The following WWOX variants were observed in gnomAD, a reference collection of about 807,000 sequenced individuals.
WWOX encodes WW domain-containing oxidoreductase.
A neutral mutation model predicts 46.2 loss-of-function variants in WWOX; 69 were observed. That is an observed-to-expected ratio of 1.49 (90% CI 1.23 to 1.82). WWOX has a LOEUF of 1.82. Among genes scored for constraint, WWOX ranks in the 40% most tolerant of loss-of-function variants. WWOX has a pLI of 0.00. For missense variants in WWOX, 919 were observed against 542.6 expected (o/e 1.69, Z -6.89); for synonymous variants, 359 against 202.6 (o/e 1.77, Z -6.56).
At chr16:78,485,415 A>T (rs903297257) in intron 8 of WWOX, among the ~76,000 whole-genome samples, 3 of 152,180 alleles carry the variant, frequency 2.0e-5, no homozygotes, top group Non-Finnish European at 2.9e-5. Flanking sequence ...AAGATATTTC[A>T]GACTCTTTCC....
At chr16:78,668,085 C>T (rs143831571) in intron 8 of WWOX, among the ~76,000 whole-genome samples, 1 of 152,252 alleles carries the variant, frequency 6.6e-6, no homozygotes, top group Non-Finnish European at 1.5e-5. Context: ...TCAAGACCAG[C>T]CTGGCCACCA....
intron 5 of WWOX, among the ~76,000 whole-genome samples, chr16:78,317,577 GTGTGAC>G (rs1597475404): frequency 1.3e-5 from 2 of 152,160 alleles, no homozygotes; most frequent in East Asian, 3.9e-4. Context: ...ACCTGAGAGT[GTGTGAC>G]TGTGAGTGTG....
At chr16:78,642,904 C>A (rs2046754378) in intron 8 of WWOX, among the ~76,000 whole-genome samples, 1 of 152,176 alleles carries the variant, frequency 6.6e-6, no homozygotes, top group South Asian at 2.1e-4. Context: ...ACTCATCCTA[C>A]TTGGTGTAAA....
At chr16:78,684,670 TG>T (rs1471938256) in intron 8 of WWOX, among the ~76,000 whole-genome samples, 1 of 152,164 alleles carries the variant, frequency 6.6e-6, no homozygotes, top group African/African-American at 2.4e-5. Flanking sequence ...TGGATGGGGT[TG>T]GGGGACCTGT....
At chr16:78,823,771 T>C (rs2051570744) in intron 8 of WWOX, among the ~76,000 whole-genome samples, 1 of 132,870 alleles carries the variant, frequency 7.5e-6, no homozygotes. Flanking sequence ...CTGAGCTTTC[T>C]AGACTTGTTA....
In WWOX at chr16:78,757,532, G is replaced by A. The variant is rs370603189; in HGVS notation, c.1056+324780G>A. Among the ~76,000 whole-genome samples, 73 of 152,206 alleles carry A rather than the reference G, an allele frequency of 4.8e-4. No individual in the cohort carries two copies. The South Asian group carries it at 0.015, about 30-fold the overall frequency. On this transcript the variant is annotated intron_variant, in intron 8 of 8. Transcript: ENST00000566780. ...CAGCTAAATTTTACAGGTAGTTGGG[G>A]TTTCACCATTTAACCCAGTTAACTC...
chr16:78,824,061 A>C (rs1395026579), intron 8 of WWOX, among the ~76,000 whole-genome samples: 1 of 152,172 alleles, frequency 6.6e-6, no homozygotes, highest in Non-Finnish European at 1.5e-5. Context: ...CTAGCCTCTG[A>C]ATCCAAATTT....
At chr16:78,339,163 T>A (rs8055812) in intron 5 of WWOX, among the ~76,000 whole-genome samples, 48,883 of 118,286 alleles carry the variant, frequency 0.41, 17,802 homozygotes, top group African/African-American at 0.48. Flanking sequence ...GAAGACAGTT[T>A]TTTTTGTTTA....
At chr16:78,206,786 A>C (rs926100433) in intron 5 of WWOX, among the ~76,000 whole-genome samples, 1 of 152,300 alleles carries the variant, frequency 6.6e-6, no homozygotes, top group East Asian at 1.9e-4. Flanking sequence ...TAGATTAGTC[A>C]GACAACTGCA....
chr16:79,203,501 T>G (rs555082136), intron 8 of WWOX: 2 of 151,880 alleles, frequency 1.3e-5, no homozygotes, highest in East Asian at 3.8e-4. Context: ...TTGTGTTTTT[T>G]TTTTTTTTTT....
intron 5 of WWOX, among the ~76,000 whole-genome samples, chr16:78,232,633 G>T (rs1296373944): frequency 6.6e-6 from 1 of 152,062 alleles, no homozygotes; most frequent in Non-Finnish European, 1.5e-5. Flanking sequence ...TATCTCCAGG[G>T]GCTGAATATA....
chr16:79,163,020 G>C (rs1012558236), intron 8 of WWOX, among the ~76,000 whole-genome samples: 1 of 152,206 alleles, frequency 6.6e-6, no homozygotes, highest in Non-Finnish European at 1.5e-5. Flanking sequence ...CCTTTCAACA[G>C]TCACATGCAA....
At chr16:78,660,877 G>C (rs2047193847) in intron 8 of WWOX, among the ~76,000 whole-genome samples, 1 of 152,082 alleles carries the variant, frequency 6.6e-6, no homozygotes, top group Non-Finnish European at 1.5e-5. Context: ...CCATTTAATA[G>C]TATCTTGGAG....
intron 8 of WWOX, among the ~76,000 whole-genome samples, chr16:78,797,953 C>T (rs561569599): frequency 6.6e-6 from 1 of 152,286 alleles, no homozygotes; most frequent in Admixed American, 6.5e-5. Flanking sequence ...ACACCACTGC[C>T]CTCAACCCTG....
chr16:78,821,507 A>G (rs1391343127), intron 8 of WWOX, among the ~76,000 whole-genome samples: 1 of 152,208 alleles, frequency 6.6e-6, no homozygotes. Flanking sequence ...TGTAATCTTC[A>G]CAGTGACCAG....
intron 8 of WWOX, among the ~76,000 whole-genome samples, chr16:78,627,231 G>A (rs2046331281): frequency 1.3e-5 from 2 of 152,094 alleles, no homozygotes; most frequent in African/African-American, 2.4e-5. Context: ...CTGTGCCCCA[G>A]GTGTGTTTGC....
At chr16:78,337,141 C>G (rs1034454153) in intron 5 of WWOX, among the ~76,000 whole-genome samples, 1 of 152,062 alleles carries the variant, frequency 6.6e-6, no homozygotes, top group African/African-American at 2.4e-5. Flanking sequence ...CTCTGCAGTT[C>G]AAAGAAAACA....
At chr16:78,494,613 A>AC (rs999470970) in intron 8 of WWOX, among the ~76,000 whole-genome samples, 1 of 151,918 alleles carries the variant, frequency 6.6e-6, no homozygotes, top group Admixed American at 6.6e-5. Flanking sequence ...TTCTGTGTGA[A>AC]CCCCACACAG....
At chr16:78,379,450 C>G (rs1034495882) in intron 5 of WWOX, among the ~76,000 whole-genome samples, 1 of 152,184 alleles carries the variant, frequency 6.6e-6, no homozygotes. Flanking sequence ...GGGCTTCTTC[C>G]ACCTCCAGCC....
Sources: allele counts gnomAD v4.1 joint callset (sites outside exome capture counted in the v4.1 genomes callset), GRCh38; gene constraint gnomAD v4.1.1; transcripts MANE v1.5; gene names NCBI Gene and HGNC (gene_info 2026-07-23, HGNC 2026-07-21).